The following LRRC9 variants were observed in gnomAD, a reference collection of about 807,000 sequenced individuals.
LRRC9 encodes the protein leucine rich repeat containing 9.
In LRRC9, 122 loss-of-function variants were observed where a neutral mutation model predicts 63.2. The observed-to-expected ratio is 1.93, with a 90% CI of 1.67 to 2.24. The LOEUF (loss-of-function observed/expected upper bound fraction) is 2.24. Ranked by LOEUF, LRRC9 falls within the 30% of genes most tolerant of loss-of-function variation. The probability of loss-of-function intolerance (pLI) is 0.00; values close to 1 mark genes in which losing one functional copy is unlikely to be tolerated. For missense variants in LRRC9, 1,071 were observed against 627.7 expected (o/e 1.71, Z -7.55); for synonymous variants, 366 against 213.1 (o/e 1.72, Z -6.25).
chr14:60,030,238 C>T (rs182164336), intron 28 of LRRC9: 2 of 152,196 alleles, frequency 1.3e-5, no homozygotes, highest in East Asian at 1.9e-4. Flanking sequence ...TGCAGCCCCT[C>T]ATTGACCTAC....
downstream of LRRC9, among the ~76,000 whole-genome samples, chr14:60,063,999 C>A (rs1414840532): frequency 6.6e-6 from 1 of 152,040 alleles, no homozygotes; most frequent in African/African-American, 2.4e-5. Context: ...TGTGGCTAAC[C>A]GTGGGTGCAA....
intron 3 of LRRC9, 103 bp downstream of exon 3, chr14:59,928,589 A>G (rs1366410310): frequency 1.2e-5 from 5 of 432,340 alleles, no homozygotes; most frequent in East Asian, 3.4e-5. Context: ...GGGTTAAGAC[A>G]GATAAATGAA....
intron 29 of LRRC9, among the ~76,000 whole-genome samples, chr14:60,041,684 G>A (rs1363251849): frequency 5.3e-5 from 8 of 152,162 alleles, no homozygotes; most frequent in Middle Eastern, 3.4e-3. Flanking sequence ...TGATGTGTTC[G>A]AACACCCTCT....
At chr14:60,044,952 T>C (rs888866340) in intron 29 of LRRC9, among the ~76,000 whole-genome samples, 1 of 152,208 alleles carries the variant, frequency 6.6e-6, no homozygotes, top group African/African-American at 2.4e-5. Context: ...GTTTGTTTTA[T>C]ATATTTTGGA....
rs1884044512 is a variant in LRRC9, at chr14:59,958,618, T to C, written c.883-1200T>C. 6.6e-6 allele frequency among the ~76,000 whole-genome samples: 1 copy of C among 152,204 alleles called. No homozygotes were observed. The highest frequency in any genetic ancestry group is 2.4e-5 in the African/African-American group (1 of 41,458). ...CTTGGCTCCCTGGCTTCAGTCCGCT[T>C]TGCAGGGGAGTGAAAGGTTCTCTCT... is the stretch of plus-strand genomic sequence containing the variant. On this transcript the variant is annotated intron_variant, in intron 8 of 31. Coordinates refer to ENST00000445360, the Ensembl canonical transcript of LRRC9. The surrounding 1 kb of genome is among the most constrained non-coding windows in gnomAD (Gnocchi z 4.0).
At position 59,936,583 on chromosome 14, in the gene LRRC9, T is replaced by C. The variant is rs1024917504; in HGVS notation, c.544-1807T>C. The stretch of plus-strand genomic sequence containing the variant: ...TTCAGAGTTTATACCCACCATCTGC[T>C]AGCTCAGACTAATGGTCAAATGAAA... On this transcript the variant is annotated intron_variant, in intron 6 of 31. Transcript: ENST00000445360. The surrounding 1 kb of genome is among the most constrained non-coding windows in gnomAD (Gnocchi z 4.2). 1.3e-5 allele frequency among the ~76,000 whole-genome samples: 2 copies of C among 152,210 alleles called. No individual in the cohort carries two copies. Among genetic ancestry groups the C allele is most frequent in the African/African-American group, 4.8e-5 (2 of 41,460 alleles).
chr14:59,921,838 C>A (rs1265586125), intron 1 of LRRC9, among the ~76,000 whole-genome samples: 2 of 151,164 alleles, frequency 1.3e-5, no homozygotes, highest in Non-Finnish European at 2.9e-5. Context: ...GTAATCCCAG[C>A]ACTTTGGGAA....
chr14:59,991,220 T>C (rs1263427802), intron 17 of LRRC9, among the ~76,000 whole-genome samples: 1 of 152,266 alleles, frequency 6.6e-6, no homozygotes, highest in East Asian at 1.9e-4. Context: ...TCATCTTTAC[T>C]GTCATTTTCC....
At chr14:60,056,375 AT>A (rs1894284369) in intron 30 of LRRC9, among the ~76,000 whole-genome samples, 1 of 152,172 alleles carries the variant, frequency 6.6e-6, no homozygotes, top group Admixed American at 6.5e-5. Flanking sequence ...GAAGATCCCA[AT>A]TTTCATATAA....
intron 31 of LRRC9, among the ~76,000 whole-genome samples, chr14:60,059,658 AAT>A (rs1225557940): frequency 6.6e-6 from 1 of 152,246 alleles, no homozygotes; most frequent in African/African-American, 2.4e-5. Flanking sequence ...GCCAAAGCCT[AAT>A]CCAGAGACCC....
rs1281533195 is a variant in LRRC9, at chr14:60,017,030, A to G, written c.3317+240A>G. ...ATCGATCCTCCGACTATAGGCACGC[A>G]CCACCAAGCATGGCTAATTTTCTTT... On this transcript the variant is annotated intron_variant, in intron 24 of 31. Coordinates refer to ENST00000445360, the Ensembl canonical transcript of LRRC9. The surrounding 1 kb of genome is among the most constrained non-coding windows in gnomAD (Gnocchi z 4.0). Among the ~76,000 whole-genome samples, 1 of 151,854 alleles carries G rather than the reference A, an allele frequency of 6.6e-6. No individual in the cohort carries two copies. The highest frequency in any genetic ancestry group is 1.9e-4 in the East Asian group (1 of 5,144).
At chr14:59,989,076 CT>C (rs1887786400) in intron 17 of LRRC9, among the ~76,000 whole-genome samples, 1 of 151,784 alleles carries the variant, frequency 6.6e-6, no homozygotes, top group Non-Finnish European at 1.5e-5. Flanking sequence ...GGCCAAATAA[CT>C]TTTTTAGTTT....
intron 23 of LRRC9, among the ~76,000 whole-genome samples, chr14:60,010,239 C>A (rs1890153638): frequency 6.6e-6 from 1 of 152,168 alleles, no homozygotes; most frequent in Non-Finnish European, 1.5e-5. Context: ...TTCCATACAC[C>A]CACTGAAATC....
At chr14:60,023,450 G>A (rs1259766340) in intron 27 of LRRC9, among the ~76,000 whole-genome samples, 1 of 151,864 alleles carries the variant, frequency 6.6e-6, no homozygotes, top group African/African-American at 2.4e-5. Context: ...AGGGGGAGGA[G>A]GAAAAGAGTC....
At chr14:59,985,034 A>G (rs1887313693) in intron 16 of LRRC9, 71 bp from the exon 17 acceptor site, 3 of 489,968 alleles carry the variant, frequency 6.1e-6, no homozygotes, top group East Asian at 3.0e-5. Context: ...AACATTTTAC[A>G]TATCCACACT....
In LRRC9 at chr14:59,966,649, C is replaced by A; in HGVS notation, c.1272C>A (p.Tyr424Ter). The change falls in exon 11 of 32, where the codon TAC becomes TAA. Residue 424 changes from tyrosine (Y) to a stop codon, truncating the protein, a stop_gained. Coordinates refer to ENST00000445360, the Ensembl canonical transcript of LRRC9. LOFTEE classifies it high-confidence loss of function. This position sits in a 1 kb window ranked among gnomAD's most constrained non-coding sequence, Gnocchi z 4.0. The stretch of plus-strand genomic sequence containing the variant: ...TTTGTGCCTGGGACTTCAGAACATA[C>A]GGTATTACAGGAGTAAAAGTAAAAC... 1.4e-6 allele frequency: 1 copy of A among 694,150 alleles called. No homozygotes were observed. The highest frequency in any genetic ancestry group is 2.6e-6 in the Non-Finnish European group (1 of 380,626). 43.0% of individuals were successfully genotyped at this position (694,150 alleles called of 1,614,324 possible).
chr14:60,006,558 G>T (rs1393682937), exon 22 of LRRC9: 8 of 701,426 alleles, frequency 1.1e-5, no homozygotes, highest in Non-Finnish European at 2.6e-6. Context: ...TTTTACTCTT[G>T]TTGAGTTATA....
intron 11 of LRRC9, 75 bp from the exon 12 acceptor site, chr14:59,967,021 A>G: frequency 1.8e-6 from 1 of 553,686 alleles, no homozygotes; most frequent in Admixed American, 2.6e-5. Flanking sequence ...CTGGCAGGAC[A>G]TATGGTTATC....
chr14:59,944,570 T>G lies in LRRC9; in HGVS notation c.727-19T>G, dbSNP rs183573150. On this transcript the variant is annotated intron_variant, in intron 7 of 31. Coordinates refer to ENST00000445360, the Ensembl canonical transcript of LRRC9. ...ATTTGTTTTAGCTAATTTTTTGTTG[T>G]TTTCTTTCTTACTTTTAGACCACAG... 143 of 546,260 alleles carry G rather than the reference T, an allele frequency of 2.6e-4. 1 individual carries two copies. The East Asian group carries it at 4.3e-3, about 16-fold the overall frequency. 33.8% of individuals were successfully genotyped at this position (546,260 alleles called of 1,614,324 possible).
Sources: gnomAD v4.1 joint callset for allele counts (sites outside exome capture counted in the v4.1 genomes callset) on GRCh38, gnomAD v4.1.1 for gene constraint, Gnocchi (gnomAD v3.1) non-coding constraint, MANE v1.5 for transcripts, NCBI Gene and HGNC (gene_info 2026-07-23, HGNC 2026-07-21) for gene names.